SBF2: variants seen among roughly 807,000 people sequenced by gnomAD.
SBF2 encodes myotubularin-related protein 13.
Under a neutral mutation model 225.2 loss-of-function variants are expected in SBF2, and 112 were observed. That is an observed-to-expected ratio of 0.50 (90% CI 0.43 to 0.58). SBF2 has a LOEUF of 0.58. Among genes scored for constraint, SBF2 ranks in the 20% least tolerant of loss-of-function variants. The pLI, the probability that SBF2 is intolerant of heterozygous loss-of-function variation, is 0.00. For missense variants in SBF2, 1,996 were observed against 2,206.2 expected, an observed-to-expected ratio of 0.90 and a Z score of 1.91; for synonymous variants, 763 against 773.3, an observed-to-expected ratio of 0.99 and a Z score of 0.22.
intron 2 of SBF2, among the ~76,000 whole-genome samples, chr11:10,050,283 T>C (rs1950012973): frequency 1.3e-5 from 2 of 152,126 alleles, no homozygotes; most frequent in Admixed American, 6.5e-5. Context: ...CTAACAGAAA[T>C]AACAATGCAA....
At chr11:10,248,317 A>G (rs1960006294) in intron 1 of SBF2, among the ~76,000 whole-genome samples, 1 of 152,256 alleles carries the variant, frequency 6.6e-6, no homozygotes, top group Non-Finnish European at 1.5e-5. Context: ...TTAAGTCATG[A>G]AAGAATTGGT....
chr11:10,095,988 T>C (rs1302913368), intron 2 of SBF2, among the ~76,000 whole-genome samples: 2 of 152,194 alleles, frequency 1.3e-5, no homozygotes, highest in Admixed American at 6.5e-5. Context: ...ACTAAGTGAC[T>C]ATTCAAAAGT....
At chr11:10,229,302 G>A (rs945762696) in intron 1 of SBF2, among the ~76,000 whole-genome samples, 1 of 152,010 alleles carries the variant, frequency 6.6e-6, no homozygotes, top group African/African-American at 2.4e-5. Flanking sequence ...AGGGTTTTTT[G>A]TGTCTCTATT....
At chr11:10,211,054 A>C (rs1957929884) in intron 1 of SBF2, among the ~76,000 whole-genome samples, 1 of 140,674 alleles carries the variant, frequency 7.1e-6, no homozygotes, top group Non-Finnish European at 1.5e-5. Context: ...TGCTTGCTCA[A>C]TGTACATGTG....
rs544411732 is a variant in SBF2, at chr11:10,011,621, C to A, written c.620-8932G>T. 1.2e-4 allele frequency among the ~76,000 whole-genome samples: 18 copies of A among 152,270 alleles called. No homozygotes were observed. In the South Asian group the frequency reaches 3.5e-3, roughly 30 times the overall value. On this transcript the variant is annotated intron_variant, in intron 6 of 39. Coordinates refer to ENST00000256190, the MANE Select transcript of SBF2 (RefSeq NM_030962.4). ...TCTTTGTTTCTGAAAGACAGTTTTGCCAGTGACAGAATTCTTGTTTGGTAT... is the reference window on the plus strand; with the variant it reads ...TCTTTGTTTCTGAAAGACAGTTTTGACAGTGACAGAATTCTTGTTTGGTAT...
At chr11:9,941,281 G>A (rs61876951) in intron 16 of SBF2, among the ~76,000 whole-genome samples, 17,040 of 151,972 alleles carry the variant, frequency 0.11, 1,086 homozygotes, top group Non-Finnish European at 0.13. Context: ...CCACCCCTGC[G>A]TGCCAGCCCC....
intron 2 of SBF2, among the ~76,000 whole-genome samples, chr11:10,156,725 C>T (rs962429638): frequency 3.3e-5 from 5 of 152,070 alleles, no homozygotes; most frequent in East Asian, 1.9e-4. Context: ...GGTAAAGGAG[C>T]GCTACAAGAA....
At chr11:10,000,874 C>A in intron 8 of SBF2, 40 bp downstream of exon 8, 1 of 1,030,276 alleles carries the variant, frequency 9.7e-7, no homozygotes, top group Non-Finnish European at 1.5e-6. Context: ...TGATAAACTT[C>A]TGGACTCAAT....
chr11:9,779,058 T>C lies in SBF2; in HGVS notation c.*1360A>G, dbSNP rs1323696298. The C allele has an allele frequency of 6.5e-6, 1 of 152,674 alleles. No individual in the cohort carries two copies. The highest frequency in any genetic ancestry group is 1.5e-5 in the Non-Finnish European group (1 of 68,038). 9.5% of individuals were successfully genotyped at this position (152,674 alleles called of 1,614,324 possible). A position where few individuals can be genotyped will look rare whatever the true frequency, so the allele number is the denominator to read the frequency against. On this transcript the variant is annotated 3_prime_UTR_variant, in exon 40 of 40. Transcript: ENST00000256190. ...CTTCATTCTTAATTATCCCCAGATTTCTTATATATTAACACAGTTCTATTT... is the reference window on the plus strand; with the variant it reads ...CTTCATTCTTAATTATCCCCAGATTCCTTATATATTAACACAGTTCTATTT...
intron 2 of SBF2, among the ~76,000 whole-genome samples, chr11:10,110,709 C>T (rs942460504): frequency 2.0e-5 from 3 of 151,982 alleles, no homozygotes; most frequent in African/African-American, 4.8e-5. Context: ...TAGAAAAAAA[C>T]AAAAATGGTT....
intron 2 of SBF2, among the ~76,000 whole-genome samples, chr11:10,110,396 A>G (rs186576257): frequency 1.9e-3 from 288 of 152,274 alleles, no homozygotes; most frequent in Non-Finnish European, 3.2e-3. Flanking sequence ...TAAAATAGAA[A>G]ATTTTAAAAC....
At chr11:10,005,394 A>T (rs1948148546) in intron 6 of SBF2, among the ~76,000 whole-genome samples, 1 of 152,086 alleles carries the variant, frequency 6.6e-6, no homozygotes, top group African/African-American at 2.4e-5. Flanking sequence ...TCTGGGGAGG[A>T]GAGATGCAAG....
At chr11:10,000,779 T>C in intron 8 of SBF2, 135 bp downstream of exon 8, 1 of 619,676 alleles carries the variant, frequency 1.6e-6, no homozygotes, top group Non-Finnish European at 2.9e-6. Context: ...CAATGATATT[T>C]TTCTTCTATC....
chr11:9,913,684 A>G lies in SBF2; in HGVS notation c.1861-17673T>C, dbSNP rs1258848834. On this transcript the variant is annotated intron_variant, in intron 16 of 39. Coordinates refer to ENST00000256190, the MANE Select transcript of SBF2 (RefSeq NM_030962.4). ...AAAATAAAATAAAATAAAATAAAATAGCTGAGATGTGGAAAAAACCAAAAT... is the reference window on the plus strand; with the variant it reads ...AAAATAAAATAAAATAAAATAAAATGGCTGAGATGTGGAAAAAACCAAAAT... 2.6e-5 allele frequency among the ~76,000 whole-genome samples: 4 copies of G among 151,934 alleles called. No individual in the cohort carries two copies. In the South Asian group the frequency reaches 8.3e-4, roughly 32 times the overall value.
rs545133862 is a variant in SBF2 at position 10,209,312 on chromosome 11, T to G, written c.56-15325A>C. On this transcript the variant is annotated intron_variant, in intron 1 of 39. Transcript: ENST00000256190. ...ATGCTCTCCTCTCCACAAATTTGTT[T>G]TTTTTTTTTTCCCATCTCTAACTTC... is the stretch of plus-strand genomic sequence containing the variant. Among the ~76,000 whole-genome samples the G allele has an allele frequency of 1.4e-3, 207 of 152,002 alleles. 2 individuals carry two copies. The highest frequency in any genetic ancestry group is 0.01 in the Admixed American group (153 of 15,276).
intron 16 of SBF2, among the ~76,000 whole-genome samples, chr11:9,939,389 C>A (rs1865116548): frequency 6.6e-6 from 1 of 152,180 alleles, no homozygotes; most frequent in Non-Finnish European, 1.5e-5. Flanking sequence ...AGCCACTGCG[C>A]CCGGCCTAAA....
At chr11:10,178,143 T>C (rs1438321301) in intron 2 of SBF2, among the ~76,000 whole-genome samples, 2 of 147,044 alleles carry the variant, frequency 1.4e-5, no homozygotes, top group Non-Finnish European at 3.0e-5. Flanking sequence ...TAGCCATATG[T>C]AGAAAGCTGA....
chr11:9,803,071 A>AG (rs1375285300), intron 32 of SBF2, among the ~76,000 whole-genome samples: 69 of 152,356 alleles, frequency 4.5e-4, no homozygotes, highest in African/African-American at 1.5e-3. Flanking sequence ...TCATACTGAT[A>AG]GGGTCTCTAG....
intron 6 of SBF2, among the ~76,000 whole-genome samples, chr11:10,026,745 A>G (rs1476400959): frequency 6.6e-6 from 1 of 151,984 alleles, no homozygotes; most frequent in Middle Eastern, 3.4e-3. Flanking sequence ...CTCCAAAAAA[A>G]TTTTTTTTGT....
Sources: gnomAD v4.1 joint callset for allele counts (sites outside exome capture counted in the v4.1 genomes callset) on GRCh38, gnomAD v4.1.1 for gene constraint, MANE v1.5 for transcripts, NCBI Gene and HGNC (gene_info 2026-07-23, HGNC 2026-07-21) for gene names.